The following METTL25 variants were observed in gnomAD, a reference collection of about 807,000 sequenced individuals.
METTL25 encodes probable methyltransferase-like protein 25.
A neutral mutation model predicts 71.6 loss-of-function variants in METTL25; 64 were observed. The ratio of observed to expected loss-of-function variants is 0.89; its 90% CI spans 0.73 to 1.10. The LOEUF (loss-of-function observed/expected upper bound fraction) is 1.10, where lower values mean the gene tolerates loss of function less well. METTL25 is among the 50% of genes least tolerant of loss of function. The pLI is 0.00. For synonymous variants in METTL25, 287 were observed against 250.3 expected, an observed-to-expected ratio of 1.15 and a Z score of -1.38; for missense variants, 807 against 707.0, an observed-to-expected ratio of 1.14 and a Z score of -1.60.
intron 9 of METTL25, among the ~76,000 whole-genome samples, chr12:82,469,442 G>A (rs911216161): frequency 1.5e-4 from 23 of 152,122 alleles, no homozygotes; most frequent in Middle Eastern, 3.4e-3. Context: ...CCAATAGGAA[G>A]GAGAAGAATG....
chr12:82,458,455 C>T (rs962892998), intron 9 of METTL25, among the ~76,000 whole-genome samples: 8 of 152,032 alleles, frequency 5.3e-5, no homozygotes, highest in African/African-American at 1.2e-4. Flanking sequence ...GAGCAGAAAC[C>T]GCCACAGAAA....
intron 5 of METTL25, among the ~76,000 whole-genome samples, chr12:82,417,403 A>G (rs1888075078): frequency 6.6e-6 from 1 of 152,180 alleles, no homozygotes. Flanking sequence ...CATAAGTAAT[A>G]AATATATTCA....
chr12:82,361,540 C>A (rs1427393811), intron 1 of METTL25, among the ~76,000 whole-genome samples: 14 of 152,184 alleles, frequency 9.2e-5, no homozygotes, highest in Admixed American at 9.2e-4. Context: ...GCATGGCGGG[C>A]TGCAGGTCTT....
intron 9 of METTL25, among the ~76,000 whole-genome samples, chr12:82,465,309 A>G (rs554567347): frequency 3.3e-5 from 5 of 152,046 alleles, no homozygotes; most frequent in Non-Finnish European, 7.4e-5. Flanking sequence ...AGTTTTTATC[A>G]TGAAGGGATG....
At chr12:82,393,512 A>G (rs1311711056) in intron 3 of METTL25, among the ~76,000 whole-genome samples, 1 of 151,978 alleles carries the variant, frequency 6.6e-6, no homozygotes, top group African/African-American at 2.4e-5. Context: ...ATCAGTTCTA[A>G]TCGTTTTTTG....
intron 9 of METTL25, among the ~76,000 whole-genome samples, chr12:82,469,130 A>G (rs1222024870): frequency 6.6e-6 from 1 of 152,172 alleles, no homozygotes; most frequent in Non-Finnish European, 1.5e-5. Context: ...ACAGATCGCC[A>G]CCATCACTAA....
At chr12:82,401,465 A>T (rs1161746370) in intron 4 of METTL25, among the ~76,000 whole-genome samples, 1 of 152,074 alleles carries the variant, frequency 6.6e-6, no homozygotes, top group African/African-American at 2.4e-5. Flanking sequence ...CATTGAGATG[A>T]AGTACTGTTA....
intron 3 of METTL25, among the ~76,000 whole-genome samples, chr12:82,392,309 T>C (rs927565431): frequency 1.4e-5 from 2 of 139,196 alleles, no homozygotes; most frequent in Admixed American, 1.5e-4. Flanking sequence ...CCTGTGTCCA[T>C]GTTTTCTCAT....
intron 8 of METTL25, among the ~76,000 whole-genome samples, chr12:82,455,310 A>G (rs574282394): frequency 7.9e-5 from 12 of 151,972 alleles, no homozygotes; most frequent in African/African-American, 2.6e-4. Context: ...TACACCTAAG[A>G]TGTATAGGAT....
At chr12:82,412,967 TA>T (rs1368588373) in intron 5 of METTL25, among the ~76,000 whole-genome samples, 1 of 151,992 alleles carries the variant, frequency 6.6e-6, no homozygotes, top group Non-Finnish European at 1.5e-5. Flanking sequence ...TTTTAAAAAA[TA>T]AAGTTTTAAA....
chr12:82,393,311 T>C lies in METTL25; in HGVS notation c.531+3389T>C, dbSNP rs950322008. ...TGTCCTCATCAATTTATTTCATCAA[T>C]GTTTTGTAATTTTCACTGTTGAGAT... On this transcript the variant is annotated intron_variant, in intron 3 of 11. Coordinates refer to ENST00000248306, the MANE Select transcript of METTL25 (RefSeq NM_032230.3). 6.6e-5 allele frequency among the ~76,000 whole-genome samples: 10 copies of C among 152,090 alleles called. 1 individual carries two copies. The highest frequency in any genetic ancestry group is 5.9e-4 in the Admixed American group (9 of 15,228).
At chr12:82,467,116 T>C (rs1217684902) in intron 9 of METTL25, among the ~76,000 whole-genome samples, 1 of 151,256 alleles carries the variant, frequency 6.6e-6, no homozygotes, top group African/African-American at 2.4e-5. Context: ...AGGCAGCATA[T>C]AGTTGGGTCT....
chr12:82,404,089 A>C (rs1886872825), intron 5 of METTL25, among the ~76,000 whole-genome samples: 1 of 152,128 alleles, frequency 6.6e-6, no homozygotes, highest in African/African-American at 2.4e-5. Context: ...TGAAACAGAA[A>C]CCATTTTTAG....
At chr12:82,416,505 A>AT (rs1023540378) in intron 5 of METTL25, among the ~76,000 whole-genome samples, 2 of 144,970 alleles carry the variant, frequency 1.4e-5, no homozygotes, top group African/African-American at 5.1e-5. Flanking sequence ...GTGCAGTATC[A>AT]TGATCATGGT....
At chr12:82,385,670 C>G (rs1427974392) in intron 1 of METTL25, among the ~76,000 whole-genome samples, 1 of 152,086 alleles carries the variant, frequency 6.6e-6, no homozygotes, top group Non-Finnish European at 1.5e-5. Context: ...TGTCAGTGTG[C>G]CTATGTGCAT....
At chr12:82,382,574 G>C (rs951440078) in intron 1 of METTL25, among the ~76,000 whole-genome samples, 1 of 152,102 alleles carries the variant, frequency 6.6e-6, no homozygotes, top group Non-Finnish European at 1.5e-5. Context: ...TTCATGCCTT[G>C]TGCAAAGTAT....
intron 5 of METTL25, among the ~76,000 whole-genome samples, chr12:82,430,641 G>GT (rs770584711): frequency 6.6e-6 from 1 of 151,616 alleles, no homozygotes; most frequent in Non-Finnish European, 1.5e-5. Flanking sequence ...TACAGAAATT[G>GT]TTTTGGCAAA....
intron 9 of METTL25, among the ~76,000 whole-genome samples, chr12:82,468,004 T>C (rs925807284): frequency 5.9e-5 from 9 of 152,018 alleles, no homozygotes; most frequent in Admixed American, 5.2e-4. Context: ...AATTTGTTTT[T>C]GTCTGTCTGT....
At chr12:82,398,406 A>G (rs556514560) in intron 3 of METTL25, among the ~76,000 whole-genome samples, 139 of 151,964 alleles carry the variant, frequency 9.1e-4, no homozygotes, top group African/African-American at 3.2e-3. Flanking sequence ...CTACTATATT[A>G]TATATGTTCT....
Sources: allele counts gnomAD v4.1 joint callset (sites outside exome capture counted in the v4.1 genomes callset), GRCh38; gene constraint gnomAD v4.1.1; transcripts MANE v1.5; gene names NCBI Gene and HGNC (gene_info 2026-07-23, HGNC 2026-07-21).